HECW1: variants seen among roughly 807,000 people sequenced by gnomAD.
The protein encoded by HECW1 is E3 ubiquitin-protein ligase HECW1.
A neutral mutation model predicts 182.3 loss-of-function variants in HECW1; 61 were observed. The ratio of observed to expected loss-of-function variants is 0.33; its 90% CI spans 0.27 to 0.41. The LOEUF is 0.41. HECW1 is among the 10% of genes least tolerant of loss of function. The pLI is 1.00. For missense variants in HECW1, 1,739 were observed against 2,108.9 expected (o/e 0.82, Z 3.44); for synonymous variants, 859 against 832.6 (o/e 1.03, Z -0.55).
intron 3 of HECW1, among the ~76,000 whole-genome samples, chr7:43,246,370 T>C (rs577864889): frequency 5.9e-5 from 9 of 152,350 alleles, no homozygotes; most frequent in African/African-American, 2.2e-4. Flanking sequence ...GCTTCTGGAA[T>C]GATCCTTAGC....
At chr7:43,266,492 G>T (rs1438135079) in intron 3 of HECW1, among the ~76,000 whole-genome samples, 1 of 151,978 alleles carries the variant, frequency 6.6e-6, no homozygotes, top group Non-Finnish European at 1.5e-5. Context: ...CTGCCACCAC[G>T]CCCAGCTAAT....
chr7:43,171,322 G>T (rs1427173035), intron 2 of HECW1, among the ~76,000 whole-genome samples: 1 of 152,152 alleles, frequency 6.6e-6, no homozygotes, highest in Non-Finnish European at 1.5e-5. Flanking sequence ...CACTCAGATG[G>T]TTAAGATTTC....
intron 2 of HECW1, among the ~76,000 whole-genome samples, chr7:43,208,931 T>C (rs2152693738): frequency 6.6e-6 from 1 of 152,372 alleles, no homozygotes; most frequent in South Asian, 2.1e-4. Context: ...TGTGCCTGCC[T>C]CTGGCTTCCA....
chr7:43,112,949 T>G lies in HECW1; in HGVS notation c.-267+12T>G, dbSNP rs1307862537. ...CCAGGGCTGCCAAGGTAAGCGGGCG[T>G]AGCGCGGGGACACTGTCTGCCGCCC... is the stretch of plus-strand genomic sequence containing the variant. On this transcript the variant is annotated intron_variant, in intron 1 of 29. Transcript: ENST00000395891. The G allele has an allele frequency of 4.8e-6, 1 of 210,490 alleles. No individual in the cohort carries two copies. Among genetic ancestry groups the G allele is most frequent in the Non-Finnish European group, 9.7e-6 (1 of 103,556 alleles). 13.0% of individuals were successfully genotyped at this position (210,490 alleles called of 1,614,324 possible).
intron 14 of HECW1, among the ~76,000 whole-genome samples, chr7:43,464,767 G>A (rs966142640): frequency 6.6e-6 from 1 of 151,992 alleles, no homozygotes; most frequent in Non-Finnish European, 1.5e-5. Flanking sequence ...ATTTTACCAG[G>A]TATGCTAACT....
In HECW1 at chr7:43,445,000, C is replaced by T; in HGVS notation, c.1828C>T (p.Pro610Ser). 6.4e-7 allele frequency: 1 copy of T among 1,554,992 alleles called. No individual in the cohort carries two copies. The highest frequency in any genetic ancestry group is 8.7e-7 in the Non-Finnish European group (1 of 1,149,358). The change falls in exon 11 of 30, where the codon CCG becomes TCG. Residue 610 changes from proline (P) to serine (S), a missense_variant. Transcript: ENST00000395891. This position sits in a 1 kb window ranked among gnomAD's most constrained non-coding sequence, Gnocchi z 4.3. The part of the protein sequence containing the change: ...LSEVDTVAAD[P>S]SALEEDREEP... ...CGAGGTGGACACGGTGGCCGCTGAC[C>T]CGTCTGCCCTGGAAGAGGACAGAGA...
At chr7:43,442,396 T>C in intron 9 of HECW1, 133 bp from the exon 10 acceptor site, 2 of 631,088 alleles carry the variant, frequency 3.2e-6, no homozygotes, top group South Asian at 3.7e-5. Context: ...TCCTTACAGT[T>C]TTGTATTGCT....
intron 26 of HECW1, among the ~76,000 whole-genome samples, chr7:43,545,271 A>G (rs991073022): frequency 1.7e-4 from 26 of 152,246 alleles, no homozygotes; most frequent in African/African-American, 5.8e-4. Context: ...ATTTTATTCC[A>G]TGGCCATATA....
At chr7:43,113,113 C>T (rs908468069) in intron 1 of HECW1, among the ~76,000 whole-genome samples, 176 bp downstream of exon 1, 4 of 152,114 alleles carry the variant, frequency 2.6e-5, no homozygotes, top group Admixed American at 2.6e-4. Flanking sequence ...GCCTGGGTCG[C>T]GCCGCCGCCC....
At chr7:43,396,934 C>T in intron 7 of HECW1, 45 bp downstream of exon 7, 1 of 1,386,368 alleles carries the variant, frequency 7.2e-7, no homozygotes, top group Non-Finnish European at 1.0e-6. Flanking sequence ...CTAAGAATGT[C>T]AACCAAGAGT....
At chr7:43,185,586 T>C (rs1231571035) in intron 2 of HECW1, among the ~76,000 whole-genome samples, 1 of 152,148 alleles carries the variant, frequency 6.6e-6, no homozygotes, top group African/African-American at 2.4e-5. Context: ...GACTGCTTGG[T>C]GGGGAAAAAT....
chr7:43,445,327 T>C lies in HECW1; in HGVS notation c.2155T>C (p.Phe719Leu). Residue 719 changes from phenylalanine (F) to leucine (L), a missense_variant, in exon 11 of 30, where the codon TTC becomes CTC. Phe to Leu is a conservative substitution (Grantham distance 22, BLOSUM62 0). Around this residue, in one of 5 missense-constraint regions of HECW1, gnomAD observed 971 missense variants for 1,029.1 expected, o/e 0.94. Transcript: ENST00000395891. ...NGNRFASHTRFSSVDSAKISE... is the reference protein window; with the variant it reads ...NGNRFASHTRLSSVDSAKISE... ...CAACAGGTTCGCCAGCCACACGCGC[T>C]TCTCCTCCGTGGACAGCGCCAAGAT... The C allele has an allele frequency of 1.9e-6, 3 of 1,613,784 alleles. No individual in the cohort carries two copies. Among genetic ancestry groups the C allele is most frequent in the Non-Finnish European group, 2.5e-6 (3 of 1,180,026 alleles).
rs950573795 is a variant in HECW1, at chr7:43,343,753, A to G, written c.461-17133A>G. Among the ~76,000 whole-genome samples, 4 of 151,910 alleles carry G rather than the reference A, an allele frequency of 2.6e-5. 1 individual carries two copies. The highest frequency in any genetic ancestry group is 9.7e-5 in the African/African-American group (4 of 41,146). ...CGTGTGCATGTGTCTTTATAGTAGC[A>G]TGATTTATAATCCTTTGGGTATATA... On this transcript the variant is annotated intron_variant, in intron 5 of 29. Coordinates refer to ENST00000395891, the MANE Select transcript of HECW1 (RefSeq NM_015052.5).
intron 5 of HECW1, among the ~76,000 whole-genome samples, chr7:43,330,142 G>A (rs1257687570): frequency 6.6e-6 from 1 of 152,210 alleles, no homozygotes; most frequent in Admixed American, 6.5e-5. Context: ...TTGAGCCTGG[G>A]TGGGTGCTGT....
At chr7:43,344,378 T>C (rs896287415) in intron 5 of HECW1, among the ~76,000 whole-genome samples, 1 of 151,958 alleles carries the variant, frequency 6.6e-6, no homozygotes, top group African/African-American at 2.4e-5. Flanking sequence ...AGATATCTCC[T>C]TTCAGCACTT....
intron 24 of HECW1, among the ~76,000 whole-genome samples, chr7:43,534,346 T>C (rs55689100): frequency 0.16 from 24,299 of 152,182 alleles, 2,550 homozygotes; most frequent in Non-Finnish European, 0.24. Flanking sequence ...AAATAATCTG[T>C]TGAAAAATAC....
intron 26 of HECW1, among the ~76,000 whole-genome samples, chr7:43,547,999 C>T (rs1449565893): frequency 6.6e-6 from 1 of 152,214 alleles, no homozygotes; most frequent in Non-Finnish European, 1.5e-5. Context: ...GAGGTGACTA[C>T]AAAATTATTA....
At position 43,373,923 on chromosome 7, in the gene HECW1, A is replaced by G. The variant is rs568050223; in HGVS notation, c.555+12943A>G. Among the ~76,000 whole-genome samples, 8 of 152,322 alleles carry G rather than the reference A, an allele frequency of 5.3e-5. No homozygotes were observed. The South Asian group carries it at 8.3e-4, about 16-fold the overall frequency. On this transcript the variant is annotated intron_variant, in intron 6 of 29. Coordinates refer to ENST00000395891, the MANE Select transcript of HECW1 (RefSeq NM_015052.5). ...CTTTTGTGCCTGGCTTATTTCAGTG[A>G]ACATAGTATCTTCAAGGTTCAACCA...
chr7:43,519,430 G>T (rs1266101478), intron 24 of HECW1, among the ~76,000 whole-genome samples: 2 of 152,146 alleles, frequency 1.3e-5, no homozygotes, highest in African/African-American at 4.8e-5. Context: ...ATTTTTAGTA[G>T]AGACGGGGTT....
Sources: allele counts gnomAD v4.1 joint callset (sites outside exome capture counted in the v4.1 genomes callset), GRCh38; gene constraint gnomAD v4.1.1; regional missense constraint gnomAD v4.1.1; non-coding constraint Gnocchi (gnomAD v3.1); transcripts MANE v1.5; gene names NCBI Gene and HGNC (gene_info 2026-07-23, HGNC 2026-07-21).